Variants in CABIN1 observed in about 807,000 individuals in gnomAD.
The protein encoded by CABIN1 is calcineurin-binding protein cabin-1.
A neutral mutation model predicts 227.7 loss-of-function variants in CABIN1; 133 were observed. The ratio of observed to expected loss-of-function variants is 0.58; its 90% CI spans 0.51 to 0.67. The LOEUF (loss-of-function observed/expected upper bound fraction) is 0.67, where lower values mean the gene tolerates loss of function less well. CABIN1 is among the 30% of genes least tolerant of loss of function. The pLI is 0.00. For missense variants in CABIN1, 2,408 were observed against 2,852.5 expected, an observed-to-expected ratio of 0.84 and a Z score of 3.55; for synonymous variants, 1,086 against 1,155.1, an observed-to-expected ratio of 0.94 and a Z score of 1.21.
chr22:24,178,575 A>G lies in CABIN1; in HGVS notation c.*379A>G, dbSNP rs2047242148. On this transcript the variant is annotated 3_prime_UTR_variant, in exon 37 of 37. Transcript: ENST00000263119. Reference sequence around the variant, plus strand: ...CACAGTGGAGGGGTCCTTTAGGGCCAGGCTCACCCCTCACCCTTTTTTTGG... The same window carrying G: ...CACAGTGGAGGGGTCCTTTAGGGCCGGGCTCACCCCTCACCCTTTTTTTGG... 1 of 317,354 alleles carries G rather than the reference A, an allele frequency of 3.2e-6. No homozygotes were observed. The allele number at this position is 317,354 out of a possible 1,614,324, so 19.7% of individuals were successfully genotyped here. A position where few individuals can be genotyped will look rare whatever the true frequency, so the allele number is the denominator to read the frequency against.
At chr22:24,067,211 C>T (rs751177272) in intron 16 of CABIN1, 30 bp downstream of exon 16, 2 of 1,607,504 alleles carry the variant, frequency 1.2e-6, no homozygotes, top group Non-Finnish European at 1.7e-6. Flanking sequence ...CTCACACCCA[C>T]TTGCACCTTC....
At chr22:24,171,370 G>C (rs911008701) in intron 33 of CABIN1, among the ~76,000 whole-genome samples, 1 of 152,200 alleles carries the variant, frequency 6.6e-6, no homozygotes, top group Non-Finnish European at 1.5e-5. Flanking sequence ...CATGCCTAGG[G>C]TCCTGCAGGA....
intron 28 of CABIN1, among the ~76,000 whole-genome samples, chr22:24,120,294 G>A (rs183474900): frequency 6.6e-6 from 1 of 152,330 alleles, no homozygotes; most frequent in Non-Finnish European, 1.5e-5. Flanking sequence ...TTTGGAAAGC[G>A]GATGATGTAG....
intron 29 of CABIN1, among the ~76,000 whole-genome samples, chr22:24,145,909 T>C (rs2045083163): frequency 6.6e-6 from 1 of 152,216 alleles, no homozygotes; most frequent in Admixed American, 6.5e-5. Flanking sequence ...ATCCCCATGA[T>C]AACAAGTCAC....
At chr22:24,058,596 G>A (rs1324735010) in intron 10 of CABIN1, among the ~76,000 whole-genome samples, 1 of 152,312 alleles carries the variant, frequency 6.6e-6, no homozygotes, top group East Asian at 1.9e-4. Flanking sequence ...AGATGAGCTT[G>A]ATGTATCCCC....
At chr22:24,121,940 T>G (rs561059551) in intron 28 of CABIN1, among the ~76,000 whole-genome samples, 3 of 152,254 alleles carry the variant, frequency 2.0e-5, no homozygotes, top group Non-Finnish European at 4.4e-5. Flanking sequence ...GAGGCAGATG[T>G]CGAGATGGAA....
At position 24,119,583 on chromosome 22, in the gene CABIN1, A is replaced by G. The variant is rs2147914948; in HGVS notation, c.4517A>G (p.Gln1506Arg). The change falls in exon 28 of 37, where the codon CAG becomes CGG. Residue 1506 changes from glutamine (Q) to arginine (R), a missense_variant. By Grantham distance (43) the Gln-to-Arg change is conservative. Coordinates refer to ENST00000263119, the MANE Select transcript of CABIN1 (RefSeq NM_012295.4). Reference protein sequence around the residue: ...GLPAGAEEQRQFLTEQCIASF... With the variant: ...GLPAGAEEQRRFLTEQCIASF... The stretch of plus-strand genomic sequence containing the variant: ...CCGGCTGGTGCTGAGGAGCAGCGGC[A>G]GTTTCTCACAGAGCAGTGCATCGCC... 3 of 1,613,484 alleles carry G rather than the reference A, an allele frequency of 1.9e-6. No individual in the cohort carries two copies. Among genetic ancestry groups the G allele is most frequent in the Non-Finnish European group, 2.5e-6 (3 of 1,179,920 alleles).
At chr22:24,046,875 G>C (rs910915063) in intron 6 of CABIN1, among the ~76,000 whole-genome samples, 5 of 151,940 alleles carry the variant, frequency 3.3e-5, no homozygotes, top group African/African-American at 1.2e-4. Context: ...TGATGTCTTG[G>C]TTTTAGTGAG....
chr22:24,050,106 C>A (rs1311893439), intron 7 of CABIN1, among the ~76,000 whole-genome samples: 1 of 152,214 alleles, frequency 6.6e-6, no homozygotes, highest in African/African-American at 2.4e-5. Context: ...CTGGAACACA[C>A]CTGTAGGGGT....
At chr22:24,046,815 A>G (rs2037920732) in intron 6 of CABIN1, among the ~76,000 whole-genome samples, 1 of 152,104 alleles carries the variant, frequency 6.6e-6, no homozygotes. Context: ...GAGGACCAGG[A>G]GAATTGATGG....
chr22:24,068,828 T>C (rs1569161436), intron 16 of CABIN1, among the ~76,000 whole-genome samples: 1 of 152,242 alleles, frequency 6.6e-6, no homozygotes, highest in Non-Finnish European at 1.5e-5. Flanking sequence ...TTTGTTCCTA[T>C]GCTTAGACAG....
At chr22:24,139,111 T>C (rs1364345284) in intron 29 of CABIN1, among the ~76,000 whole-genome samples, 1 of 152,224 alleles carries the variant, frequency 6.6e-6, no homozygotes. Context: ...CACAGTGATA[T>C]AAGACCACAT....
intron 29 of CABIN1, among the ~76,000 whole-genome samples, chr22:24,135,194 C>G (rs917610209): frequency 6.6e-6 from 1 of 151,988 alleles, no homozygotes; most frequent in African/African-American, 2.4e-5. Flanking sequence ...AGTTCAAGAC[C>G]AGCCTGGCCA....
chr22:24,164,589 C>T, intron 30 of CABIN1, 26 bp downstream of exon 30: 1 of 1,599,864 alleles, frequency 6.3e-7, no homozygotes, highest in Non-Finnish European at 8.5e-7. Flanking sequence ...CTGGACACAG[C>T]CTGGCATGCT....
Position 24,167,614 on chromosome 22 carries a change from G to C in CABIN1, c.5682+301G>C, listed in dbSNP as rs528474678. On this transcript the variant is annotated intron_variant, in intron 32 of 36. Transcript: ENST00000263119. ...TTAGGGCATTTCCTTCAAGACTTCT[G>C]TGGCTGTCATCTAAAGATGGCTGCA... Among the ~76,000 whole-genome samples, 6 of 152,354 alleles carry C rather than the reference G, an allele frequency of 3.9e-5. No individual in the cohort carries two copies. The South Asian group carries it at 1.2e-3, about 32-fold the overall frequency.
chr22:24,013,381 T>C (rs1291801157), intron 1 of CABIN1, among the ~76,000 whole-genome samples: 2 of 151,550 alleles, frequency 1.3e-5, no homozygotes, highest in East Asian at 2.0e-4. Context: ...TATTTTTTAG[T>C]AGAGACGGAG....
chr22:24,172,135 G>T, intron 34 of CABIN1, 140 bp downstream of exon 34: 4 of 1,034,798 alleles, frequency 3.9e-6, no homozygotes, highest in Non-Finnish European at 5.6e-6. Context: ...CGGGGCAGGT[G>T]ACCGCGGGTC....
At chr22:24,155,982 G>A (rs2045766077) in intron 29 of CABIN1, 1 of 557,816 alleles carries the variant, frequency 1.8e-6, no homozygotes. Context: ...GCCCCGCCCC[G>A]GCCCGCCGCG....
At chr22:24,104,461 T>C (rs568353660) in intron 26 of CABIN1, among the ~76,000 whole-genome samples, 12 of 152,292 alleles carry the variant, frequency 7.9e-5, no homozygotes, top group South Asian at 2.1e-4. Flanking sequence ...TCTACACATA[T>C]CAGGCTTCTG....
Sources: gnomAD v4.1 joint callset for allele counts (sites outside exome capture counted in the v4.1 genomes callset) on GRCh38, gnomAD v4.1.1 for gene constraint, MANE v1.5 for transcripts, NCBI Gene and HGNC (gene_info 2026-07-23, HGNC 2026-07-21) for gene names.